ZC2HC1A: variants seen among roughly 807,000 people sequenced by gnomAD.
The protein encoded by ZC2HC1A is zinc finger C2HC domain-containing protein 1A.
In ZC2HC1A, 28 loss-of-function variants were observed where a neutral mutation model predicts 40.7. The ratio of observed to expected loss-of-function variants is 0.69; its 90% CI spans 0.51 to 0.94. ZC2HC1A has a LOEUF of 0.94. Ranked by LOEUF, ZC2HC1A falls within the 40% of genes least tolerant of loss-of-function variation. The probability of loss-of-function intolerance (pLI) is 0.00; values close to 1 mark genes in which losing one functional copy is unlikely to be tolerated. For synonymous variants in ZC2HC1A, 129 were observed against 129.2 expected (o/e 1.00, Z 0.01); for missense variants, 389 against 386.3 (o/e 1.01, Z -0.06).
At chr8:78,671,142 ATG>A (rs1287483011) in intron 1 of ZC2HC1A, among the ~76,000 whole-genome samples, 2 of 152,206 alleles carry the variant, frequency 1.3e-5, no homozygotes, top group Admixed American at 6.5e-5. Flanking sequence ...TAGTTCTTAA[ATG>A]TATGCATTTT....
intron 3 of ZC2HC1A, among the ~76,000 whole-genome samples, chr8:78,680,408 A>G (rs1563622584): frequency 1.3e-5 from 2 of 151,962 alleles, no homozygotes; most frequent in African/African-American, 2.4e-5. Context: ...CAGTATTTGG[A>G]AACTTGTTAG....
chr8:78,689,417 A>T (rs1563628204), intron 5 of ZC2HC1A, 44 bp downstream of exon 5: 2 of 1,496,752 alleles, frequency 1.3e-6, no homozygotes, highest in East Asian at 2.4e-5. Flanking sequence ...AAAATGGCTC[A>T]TGGACATTCA....
At chr8:78,669,811 T>C (rs1809390604) in intron 1 of ZC2HC1A, among the ~76,000 whole-genome samples, 2 of 152,170 alleles carry the variant, frequency 1.3e-5, no homozygotes, top group Admixed American at 6.5e-5. Context: ...TATTCATTTT[T>C]TCCCTGTTAG....
Position 78,713,380 on chromosome 8 carries a change from C to G in ZC2HC1A, c.705-1841C>G, listed in dbSNP as rs531855637. On this transcript the variant is annotated intron_variant, in intron 7 of 8. Coordinates refer to ENST00000263849, the MANE Select transcript of ZC2HC1A (RefSeq NM_016010.3). ...AACATTTTGAACAACCTCAAGTTAC[C>G]GATATGGTGACATTATGTGTATATA... Among the ~76,000 whole-genome samples, 11 of 151,608 alleles carry G rather than the reference C, an allele frequency of 7.3e-5. No individual in the cohort carries two copies. The South Asian group carries it at 2.3e-3, about 32-fold the overall frequency.
rs370123596 is a variant in ZC2HC1A at position 78,675,911 on chromosome 8, G to A, written c.93+48G>A. ...TTTATGGTTTTACAGATCTGTAATT[G>A]TTCAATAATTCTGGTCAATTCTCAT... is the stretch of plus-strand genomic sequence containing the variant. On this transcript the variant is annotated intron_variant, in intron 2 of 8. Transcript: ENST00000263849. 1,002 of 1,509,410 alleles carry A rather than the reference G, an allele frequency of 6.6e-4. 10 individuals are homozygous for A. In the South Asian group the frequency reaches 8.6e-3, roughly 13 times the overall value. The allele number at this position is 1,509,410 out of a possible 1,614,324, so 93.5% of individuals were successfully genotyped here. A position where few individuals can be genotyped will look rare whatever the true frequency, so the allele number is the denominator to read the frequency against.
intron 3 of ZC2HC1A, among the ~76,000 whole-genome samples, chr8:78,683,159 T>C (rs1809844858): frequency 6.6e-6 from 1 of 151,724 alleles, no homozygotes; most frequent in Non-Finnish European, 1.5e-5. Context: ...AACCTGTCGG[T>C]GGATCTACCA....
chr8:78,666,724 C>T lies in ZC2HC1A; in HGVS notation c.16+560C>T, dbSNP rs748533135. Among the ~76,000 whole-genome samples the T allele has an allele frequency of 6.6e-5, 10 of 152,254 alleles. No individual in the cohort carries two copies. In the East Asian group the frequency reaches 7.7e-4, roughly 12 times the overall value. ...AAGTGTCACTGGCCAGCTTTAGAGC[C>T]GGTACAATAGATTACCCGGAGGATT... On this transcript the variant is annotated intron_variant, in intron 1 of 8. Transcript: ENST00000263849.
chr8:78,710,155 A>AT (rs1238595093), intron 7 of ZC2HC1A, among the ~76,000 whole-genome samples: 3 of 152,132 alleles, frequency 2.0e-5, no homozygotes, highest in Admixed American at 2.0e-4. Context: ...TAAAATCTTG[A>AT]TTGTTATTGA....
At chr8:78,686,786 A>G (rs146130482) in intron 4 of ZC2HC1A, among the ~76,000 whole-genome samples, 178 bp downstream of exon 4, 80 of 152,292 alleles carry the variant, frequency 5.3e-4, no homozygotes, top group Middle Eastern at 3.4e-3. Flanking sequence ...AAAGACATTA[A>G]TTTAGAACAT....
At chr8:78,678,911 T>C (rs1287287434) in intron 3 of ZC2HC1A, 4 of 261,682 alleles carry the variant, frequency 1.5e-5, no homozygotes, top group Non-Finnish European at 2.8e-5. Context: ...ACCAAGGTGC[T>C]GTTTCAAACT....
chr8:78,673,120 G>A (rs1185972371), intron 1 of ZC2HC1A, among the ~76,000 whole-genome samples: 1 of 152,034 alleles, frequency 6.6e-6, no homozygotes, highest in Non-Finnish European at 1.5e-5. Flanking sequence ...CTGTGTCCAT[G>A]TGTTCTCATT....
chr8:78,692,826 C>A (rs1020531941), intron 5 of ZC2HC1A, among the ~76,000 whole-genome samples: 2 of 152,078 alleles, frequency 1.3e-5, no homozygotes, highest in Non-Finnish European at 2.9e-5. Flanking sequence ...TGGTGTGCTG[C>A]ACCCATTAAC....
chr8:78,694,394 C>T (rs1265479200), intron 5 of ZC2HC1A, among the ~76,000 whole-genome samples: 1 of 151,778 alleles, frequency 6.6e-6, no homozygotes, highest in Admixed American at 6.6e-5. Flanking sequence ...TCATTCATGC[C>T]TTCTTCCAGA....
chr8:78,691,496 T>TA (rs2130512835), intron 5 of ZC2HC1A, among the ~76,000 whole-genome samples: 1 of 152,196 alleles, frequency 6.6e-6, no homozygotes, highest in East Asian at 1.9e-4. Context: ...CTATAATTGG[T>TA]TTTTGTATTT....
At chr8:78,681,075 C>CT (rs112732264) in intron 3 of ZC2HC1A, among the ~76,000 whole-genome samples, 1,780 of 144,674 alleles carry the variant, frequency 0.012, 31 homozygotes, top group African/African-American at 0.04. Flanking sequence ...AGGCTGTGAC[C>CT]TTTTTTTTTT....
Position 78,689,316 on chromosome 8 carries a change from T to A in ZC2HC1A, c.447T>A (p.Ser149Arg). Residue 149 changes from serine (S) to arginine (R), a missense_variant, in exon 5 of 9, where the codon AGT becomes AGA. Transcript: ENST00000263849. ...GTAAAGAACAGGCAGCACGTATTAG[T>A]AATAAAGGGAAATTTTCTACAGATA... Reference protein sequence around the residue: ...NFCKEQAARISNKGKFSTDTK... With the variant: ...NFCKEQAARIRNKGKFSTDTK... The A allele has an allele frequency of 1.2e-6, 2 of 1,604,860 alleles. No homozygotes were observed. The highest frequency in any genetic ancestry group is 1.7e-6 in the Non-Finnish European group (2 of 1,175,738).
intron 2 of ZC2HC1A, among the ~76,000 whole-genome samples, chr8:78,677,784 A>G (rs1052631671): frequency 3.3e-5 from 5 of 152,174 alleles, no homozygotes; most frequent in African/African-American, 1.2e-4. Flanking sequence ...TGCACAGGAA[A>G]CAATTTAGGG....
At position 78,717,758 on chromosome 8, in the gene ZC2HC1A, C is replaced by A. The variant is rs191038691; in HGVS notation, c.*265C>A. 4.3e-4 allele frequency: 103 copies of A among 240,492 alleles called. No homozygotes were observed. The highest frequency in any genetic ancestry group is 6.3e-4 in the Non-Finnish European group (79 of 125,092). 14.9% of individuals were successfully genotyped at this position (240,492 alleles called of 1,614,324 possible). On this transcript the variant is annotated 3_prime_UTR_variant, in exon 9 of 9. Transcript: ENST00000263849. ...TGTCAGAAAATAATTTCAAATGGAA[C>A]AATTAATTTAGGTGTTACTTTTCTG...
At position 78,666,211 on chromosome 8, in the gene ZC2HC1A, A is replaced by C. The variant is rs201282919; in HGVS notation, c.16+47A>C. 2.1e-4 allele frequency: 328 copies of C among 1,562,354 alleles called. No individual in the cohort carries two copies. The African/African-American group carries it at 4.1e-3, about 20-fold the overall frequency. ...GGCAGGACGGCTAGAGCGGGCCCGA[A>C]ACAGCTGGGGACCCTGGACACCAGT... is the stretch of plus-strand genomic sequence containing the variant. On this transcript the variant is annotated intron_variant, in intron 1 of 8. Coordinates refer to ENST00000263849, the MANE Select transcript of ZC2HC1A (RefSeq NM_016010.3).
Sources: allele counts gnomAD v4.1 joint callset (sites outside exome capture counted in the v4.1 genomes callset), GRCh38; gene constraint gnomAD v4.1.1; transcripts MANE v1.5; gene names NCBI Gene and HGNC (gene_info 2026-07-23, HGNC 2026-07-21).